HEPHL1: variants seen among roughly 807,000 people sequenced by gnomAD.
HEPHL1 encodes the protein ferroxidase HEPHL1.
A neutral mutation model predicts 122.0 loss-of-function variants in HEPHL1; 123 were observed. That is an observed-to-expected ratio of 1.01 (90% confidence interval 0.87 to 1.17). The LOEUF (loss-of-function observed/expected upper bound fraction) is 1.17. HEPHL1 is among the 50% of genes most tolerant of loss of function. The pLI is 0.00. For synonymous variants in HEPHL1, 527 were observed against 508.9 expected (o/e 1.04, Z -0.48); for missense variants, 1,452 against 1,430.5 (o/e 1.01, Z -0.24).
chr11:94,086,165 G>C lies in HEPHL1; in HGVS notation c.2056G>C (p.Ala686Pro), dbSNP rs1946216456. ...LALFPHMATT[A>P]FMQPDHAGIF... ...CCTGTTTCCCCACATGGCCACAACA[G>C]CATTCATGCAGCCAGACCATGCAGG... The change falls in exon 11 of 20, where the codon GCA becomes CCA. Residue 686 changes from alanine to proline, a missense_variant. Transcript: ENST00000315765. The C allele has an allele frequency of 1.1e-5, 17 of 1,611,492 alleles. No individual in the cohort carries two copies. Among genetic ancestry groups the C allele is most frequent in the Non-Finnish European group, 1.4e-5 (17 of 1,179,240 alleles).
chr11:94,063,582 T>G lies in HEPHL1; in HGVS notation c.490T>G (p.Tyr164Asp). Residue 164 changes from tyrosine to aspartate, a missense_variant, in exon 3 of 20, where the codon TAC (tyrosine) becomes GAC (aspartate). By Grantham distance (160) the Tyr-to-Asp change is radical (BLOSUM62 -3). Transcript: ENST00000315765. ...DMVPPGKNYTYVWPVREEYAP... is the reference protein window; with the variant it reads ...DMVPPGKNYTDVWPVREEYAP... ...GGTTCCTCCTGGGAAAAACTACACC[T>G]ACGTCTGGCCGGTGAGAGAAGAATA... 2.5e-6 allele frequency: 4 copies of G among 1,613,758 alleles called. No individual in the cohort carries two copies. In the African/African-American group the frequency reaches 5.3e-5, roughly 22 times the overall value.
chr11:94,045,108 A>C (rs904287097), intron 1 of HEPHL1, among the ~76,000 whole-genome samples: 1 of 152,072 alleles, frequency 6.6e-6, no homozygotes, highest in Admixed American at 6.6e-5. Flanking sequence ...GGGTCTCACT[A>C]TGTTGCCCAG....
intron 9 of HEPHL1, among the ~76,000 whole-genome samples, chr11:94,076,795 A>C (rs1467306503): frequency 1.3e-5 from 2 of 152,120 alleles, no homozygotes; most frequent in Non-Finnish European, 2.9e-5. Context: ...AATGGGAATA[A>C]GTGTTTGCGT....
chr11:94,099,453 G>T (rs1268522476), intron 13 of HEPHL1, among the ~76,000 whole-genome samples: 1 of 152,178 alleles, frequency 6.6e-6, no homozygotes, highest in Admixed American at 6.5e-5. Context: ...TAGGCTACTT[G>T]GGTGTCAGGG....
chr11:94,055,188 G>A (rs1457938243), intron 2 of HEPHL1: 10 of 251,252 alleles, frequency 4.0e-5, no homozygotes, highest in Non-Finnish European at 7.2e-5. Context: ...CAGCTGCCTT[G>A]GAGACTCCCT....
chr11:94,055,896 G>A, intron 2 of HEPHL1: 1 of 789,528 alleles, frequency 1.3e-6, no homozygotes, highest in Non-Finnish European at 2.1e-6. Flanking sequence ...ATAATATAAG[G>A]CAGAGCCTAC....
At chr11:94,073,611 C>T (rs1232687969) in intron 8 of HEPHL1, among the ~76,000 whole-genome samples, 172 bp downstream of exon 8, 1 of 152,174 alleles carries the variant, frequency 6.6e-6, no homozygotes, top group African/African-American at 2.4e-5. Context: ...TAACAATACT[C>T]ACCTCACAGG....
At chr11:94,103,113 C>T (rs544760275) in intron 15 of HEPHL1, 93 bp downstream of exon 15, 110 of 743,364 alleles carry the variant, frequency 1.5e-4, no homozygotes, top group South Asian at 1.2e-3. Flanking sequence ...TATGTGAAAG[C>T]GTATAATGAT....
chr11:94,093,100 ATGTGTGTG>A lies in HEPHL1; in HGVS notation c.2295-378_2295-371del, dbSNP rs58076312. 6.8e-4 allele frequency among the ~76,000 whole-genome samples: 101 copies of A among 148,902 alleles called. 1 individual carries two copies. Among genetic ancestry groups the A allele is most frequent in the South Asian group, 5.9e-3 (27 of 4,586 alleles). On this transcript the variant is annotated intron_variant, in intron 12 of 19. Transcript: ENST00000315765. ...TCAGGGTGGTAGAGGGTGGACGTGTATGTGTGTGTGTGTGTGTGTGTGTGTGTGTGATG... is the reference window on the plus strand; with the variant it reads ...TCAGGGTGGTAGAGGGTGGACGTGTATGTGTGTGTGTGTGTGTGTGTGATG...
intron 13 of HEPHL1, among the ~76,000 whole-genome samples, chr11:94,093,982 A>ATATG (rs1946285182): frequency 1.3e-5 from 1 of 76,554 alleles, no homozygotes; most frequent in African/African-American, 8.1e-5. Context: ...ATATATATAT[A>ATATG]TATATATATA....
At chr11:94,098,111 C>T (rs1003488504) in intron 13 of HEPHL1, among the ~76,000 whole-genome samples, 3 of 152,162 alleles carry the variant, frequency 2.0e-5, no homozygotes, top group Admixed American at 1.3e-4. Context: ...TTCCTAGCAT[C>T]GATGATCTTT....
At chr11:94,076,026 C>G (rs539188484) in intron 9 of HEPHL1, among the ~76,000 whole-genome samples, 1 of 152,174 alleles carries the variant, frequency 6.6e-6, no homozygotes, top group South Asian at 2.1e-4. Flanking sequence ...ATTTAAGCAT[C>G]TATTTTACCA....
intron 1 of HEPHL1, among the ~76,000 whole-genome samples, chr11:94,026,439 C>G (rs1212987017): frequency 6.6e-6 from 1 of 152,202 alleles, no homozygotes; most frequent in African/African-American, 2.4e-5. Context: ...TGCAAGGCAG[C>G]TGGCAGTCCC....
At position 94,064,402 on chromosome 11, in the gene HEPHL1, G is replaced by T. The variant is rs1487510157; in HGVS notation, c.700G>T (p.Asp234Tyr). ...REFVIMFTLV[D>Y]ENQSWYLNEN... ...GTTTGTTATAATGTTTACTCTTGTGGATGAGAATCAAAGCTGGTACCTCAA... is the reference window on the plus strand; with the variant it reads ...GTTTGTTATAATGTTTACTCTTGTGTATGAGAATCAAAGCTGGTACCTCAA... The change falls in exon 4 of 20, where the codon GAT becomes TAT. Residue 234 changes from aspartate (D) to tyrosine (Y), a missense_variant. Transcript: ENST00000315765. 4 of 1,612,726 alleles carry T rather than the reference G, an allele frequency of 2.5e-6. No individual in the cohort carries two copies. Among genetic ancestry groups the T allele is most frequent in the African/African-American group, 1.3e-5 (1 of 74,860 alleles).
rs755367459 is a variant in HEPHL1, at chr11:94,046,091, C to CTTTTTTTTTTTTTTTTTTTTTTTTT, written c.415+195_415+196insTTTTTTTTTTTTTTTTTTTTTTTTT. On this transcript the variant is annotated intron_variant, in intron 2 of 19. Transcript: ENST00000315765. ...TTCTGTCTCTCTCTTCCCTTTCTTG[C>CTTTTTTTTTTTTTTTTTTTTTTTTT]TTTTTTTTTTTTTTTTTTTTTGAGA... Among the ~76,000 whole-genome samples the CTTTTTTTTTTTTTTTTTTTTTTTTT allele has an allele frequency of 7.7e-5, 5 of 65,048 alleles. 1 individual carries two copies. The highest frequency in any genetic ancestry group is 1.0e-4 in the Non-Finnish European group (4 of 38,910). 42.7% of individuals were successfully genotyped at this position (65,048 alleles called of 152,430 possible). A position where few individuals can be genotyped will look rare whatever the true frequency, so the allele number is the denominator to read the frequency against.
At chr11:94,063,396 A>C (rs1434146563) in intron 2 of HEPHL1, 112 bp from the exon 3 acceptor site, 1 of 841,566 alleles carries the variant, frequency 1.2e-6, no homozygotes, top group African/African-American at 1.7e-5. Flanking sequence ...ATAGCAAATA[A>C]ATTTTAATTC....
chr11:94,035,881 C>CACCG (rs1201771993), intron 1 of HEPHL1, among the ~76,000 whole-genome samples: 4 of 152,090 alleles, frequency 2.6e-5, no homozygotes, highest in African/African-American at 4.8e-5. Context: ...GGACTACAGG[C>CACCG]GCCCGTTACC....
At chr11:94,096,868 C>T (rs573590549) in intron 13 of HEPHL1, among the ~76,000 whole-genome samples, 1 of 152,184 alleles carries the variant, frequency 6.6e-6, no homozygotes, top group East Asian at 1.9e-4. Flanking sequence ...GATGATATCC[C>T]CTTTATCATT....
chr11:94,093,106 G>A (rs201125870), intron 12 of HEPHL1, among the ~76,000 whole-genome samples: 14 of 136,896 alleles, frequency 1.0e-4, no homozygotes, highest in Admixed American at 3.5e-4. Context: ...GTGTATGTGT[G>A]TGTGTGTGTG....
Sources: gnomAD v4.1 joint callset for allele counts (sites outside exome capture counted in the v4.1 genomes callset) on GRCh38, gnomAD v4.1.1 for gene constraint, MANE v1.5 for transcripts, NCBI Gene and HGNC (gene_info 2026-07-23, HGNC 2026-07-21) for gene names.